Variants in DNAJC13 observed in about 807,000 individuals in gnomAD.
The protein encoded by DNAJC13 is dnaJ homolog subfamily C member 13.
A neutral mutation model predicts 290.5 loss-of-function variants in DNAJC13; 75 were observed. That is an observed-to-expected ratio of 0.26 (90% CI 0.21 to 0.31). DNAJC13 has a LOEUF of 0.31. DNAJC13 is among the 10% of genes least tolerant of loss of function. DNAJC13 has a pLI of 1.00. For synonymous variants in DNAJC13, 862 were observed against 892.0 expected, an observed-to-expected ratio of 0.97 and a Z score of 0.60; for missense variants, 2,260 against 2,674.5, an observed-to-expected ratio of 0.85 and a Z score of 3.42.
Position 132,522,885 on chromosome 3 carries a change from A to G in DNAJC13, c.5731A>G (p.Asn1911Asp). 1 of 1,613,564 alleles carries G rather than the reference A, an allele frequency of 6.2e-7. No homozygotes were observed. Among genetic ancestry groups the G allele is most frequent in the Non-Finnish European group, 8.5e-7 (1 of 1,179,746 alleles). Residue 1911 changes from asparagine to aspartate, a missense_variant, in exon 49 of 56, where the codon AAT (asparagine) becomes GAT (aspartate). Coordinates refer to ENST00000260818, the MANE Select transcript of DNAJC13 (RefSeq NM_015268.4). ...PSVFMDAMRD[N>D]PEAAVHIFEG... is the part of the protein sequence containing the mutation. ...CGTTTTCATGGATGCTATGAGAGAC[A>G]ATCCTGAAGCTGCTGTACATATTTT...
At position 132,514,551 on chromosome 3, in the gene DNAJC13, T is replaced by A. The variant is rs1238083924; in HGVS notation, c.5386-20T>A. The stretch of plus-strand genomic sequence containing the variant: ...AAAATTATTTCTGAAACTTTTACTA[T>A]CCTGTTGATTAATTTTCAGGTTGTG... On this transcript the variant is annotated intron_variant, in intron 45 of 55. Transcript: ENST00000260818. The A allele has an allele frequency of 6.4e-7, 1 of 1,561,676 alleles. No individual in the cohort carries two copies. Among genetic ancestry groups the A allele is most frequent in the Non-Finnish European group, 8.8e-7 (1 of 1,139,370 alleles).
intron 1 of DNAJC13, among the ~76,000 whole-genome samples, chr3:132,432,571 G>T (rs144266150): frequency 1.3e-5 from 2 of 152,286 alleles, no homozygotes; most frequent in South Asian, 2.1e-4. Context: ...AGTCACAAAA[G>T]AAATAACCAT....
chr3:132,531,142 C>A, intron 55 of DNAJC13, 45 bp downstream of exon 55: 1 of 1,524,948 alleles, frequency 6.6e-7, no homozygotes, highest in Non-Finnish European at 9.1e-7. Flanking sequence ...TGGCAGAAGC[C>A]ACTTGGACCT....
intron 41 of DNAJC13, among the ~76,000 whole-genome samples, chr3:132,505,055 A>G (rs1187589729): frequency 6.6e-6 from 1 of 152,210 alleles, no homozygotes; most frequent in Admixed American, 6.5e-5. Context: ...TTCAAATCCT[A>G]GTTTCACCAG....
rs200307667 is a variant in DNAJC13 at position 132,450,857 on chromosome 3, A to AT, written c.537+14dup. ...AGGATTTAGTAGATTGGTAAGTACT[A>AT]TTTTAAAAAAAAAAAACACTTTAAA... On this transcript the variant is annotated intron_variant, in intron 6 of 55. Transcript: ENST00000260818. 4.2e-5 allele frequency: 59 copies of AT among 1,411,574 alleles called. No individual in the cohort carries two copies. Among genetic ancestry groups the AT allele is most frequent in the Middle Eastern group, 2.1e-4 (1 of 4,782 alleles). The allele number at this position is 1,411,574 out of a possible 1,614,324, so 87.4% of individuals were successfully genotyped here.
At chr3:132,481,359 G>A (rs1316353061) in intron 26 of DNAJC13, among the ~76,000 whole-genome samples, 1 of 152,152 alleles carries the variant, frequency 6.6e-6, no homozygotes, top group African/African-American at 2.4e-5. Flanking sequence ...GGGCTGAGGC[G>A]GGAGGATCAC....
intron 31 of DNAJC13, among the ~76,000 whole-genome samples, chr3:132,490,203 C>G: frequency 6.6e-6 from 1 of 152,222 alleles, no homozygotes; most frequent in South Asian, 2.1e-4. Flanking sequence ...TTTTTTCCCT[C>G]GTCTCTTTGT....
chr3:132,447,794 C>A, intron 4 of DNAJC13, 104 bp from the exon 5 acceptor site: 1 of 866,978 alleles, frequency 1.2e-6, no homozygotes, highest in Non-Finnish European at 1.9e-6. Context: ...TTTTAGTGTC[C>A]AGGTTACCAA....
chr3:132,536,478 G>A (rs1036099852), intron 55 of DNAJC13, among the ~76,000 whole-genome samples: 7 of 152,186 alleles, frequency 4.6e-5, no homozygotes, highest in South Asian at 2.1e-4. Flanking sequence ...TGAGAACTGC[G>A]TCATTAATCC....
chr3:132,502,202 C>A, intron 39 of DNAJC13, 87 bp from the exon 40 acceptor site: 1 of 1,204,020 alleles, frequency 8.3e-7, no homozygotes, highest in Non-Finnish European at 1.1e-6. Flanking sequence ...GTTGGCTTGA[C>A]ATACATGCAC....
intron 13 of DNAJC13, among the ~76,000 whole-genome samples, chr3:132,459,379 A>G (rs980350771): frequency 1.9e-4 from 29 of 152,140 alleles, no homozygotes; most frequent in African/African-American, 5.8e-4. Flanking sequence ...TATGAGGTCA[A>G]ATTCACAGAA....
At chr3:132,503,563 A>G (rs1467998311) in intron 41 of DNAJC13, among the ~76,000 whole-genome samples, 182 bp downstream of exon 41, 2 of 152,226 alleles carry the variant, frequency 1.3e-5, no homozygotes, top group Non-Finnish European at 1.5e-5. Context: ...CTACAAGTCC[A>G]GTTTTTGCAA....
intron 51 of DNAJC13, among the ~76,000 whole-genome samples, chr3:132,524,874 A>G (rs1003184202): frequency 2.0e-5 from 3 of 152,236 alleles, no homozygotes; most frequent in African/African-American, 4.8e-5. Context: ...TCCGTTATCC[A>G]CAATAGAAAG....
intron 46 of DNAJC13, 78 bp from the exon 47 acceptor site, chr3:132,516,344 T>G (rs1456867822): frequency 1.5e-6 from 2 of 1,297,382 alleles, no homozygotes; most frequent in African/African-American, 2.9e-5. Flanking sequence ...TCTAGTTAAG[T>G]GCCTGGCACA....
chr3:132,533,762 C>A (rs1241112483), intron 55 of DNAJC13, among the ~76,000 whole-genome samples: 1 of 152,192 alleles, frequency 6.6e-6, no homozygotes, highest in Non-Finnish European at 1.5e-5. Context: ...TCAGTCTTAT[C>A]TATCATTCTT....
chr3:132,519,649 A>G (rs1936024830), intron 48 of DNAJC13, among the ~76,000 whole-genome samples: 1 of 151,904 alleles, frequency 6.6e-6, no homozygotes. Flanking sequence ...TTTATGTCAT[A>G]TCTAAGAAAC....
intron 29 of DNAJC13, among the ~76,000 whole-genome samples, chr3:132,485,140 A>AT (rs1388190576): frequency 1.5e-4 from 23 of 151,084 alleles, no homozygotes; most frequent in African/African-American, 2.7e-4. Context: ...TTAATTTTTT[A>AT]TTTTTTTTTA....
chr3:132,434,017 T>G (rs1576457402), intron 1 of DNAJC13, among the ~76,000 whole-genome samples: 2 of 152,204 alleles, frequency 1.3e-5, no homozygotes, highest in South Asian at 4.1e-4. Flanking sequence ...ATCGAGACCA[T>G]CCTCGCTACG....
In DNAJC13 at chr3:132,523,598, G is replaced by A; in HGVS notation, c.5945G>A (p.Gly1982Glu). ...GEAEGELAVGGVFLRIFIAQP... is the reference protein window; with the variant it reads ...GEAEGELAVGEVFLRIFIAQP... ...GCAGAGGGTGAACTTGCTGTTGGAG[G>A]AGTCTTCTTGAGGATCTTTATTGCA... is the stretch of plus-strand genomic sequence containing the variant. Residue 1982 changes from glycine to glutamate, a missense_variant, in exon 51 of 56, where the codon GGA (glycine) becomes GAA (glutamate). Around this residue, in one of 3 missense-constraint regions of DNAJC13, gnomAD observed 1,494 missense variants for 1,693.7 expected, o/e 0.88. Transcript: ENST00000260818. 4 of 1,614,070 alleles carry A rather than the reference G, an allele frequency of 2.5e-6. No individual in the cohort carries two copies. The highest frequency in any genetic ancestry group is 3.4e-6 in the Non-Finnish European group (4 of 1,179,980).
Sources: allele counts gnomAD v4.1 joint callset (sites outside exome capture counted in the v4.1 genomes callset), GRCh38; gene constraint gnomAD v4.1.1; regional missense constraint gnomAD v4.1.1; transcripts MANE v1.5; gene names NCBI Gene and HGNC (gene_info 2026-07-23, HGNC 2026-07-21).